Variants in PSD3 observed in about 807,000 individuals in gnomAD.
The protein encoded by PSD3 is pleckstrin and Sec7 domain containing 3.
In PSD3, 49 loss-of-function variants were observed where a neutral mutation model predicts 105.5. The ratio of observed to expected loss-of-function variants is 0.46; its 90% CI spans 0.37 to 0.59. The LOEUF (loss-of-function observed/expected upper bound fraction) is 0.59, where lower values mean the gene tolerates loss of function less well. PSD3 is among the 20% of genes least tolerant of loss of function. The pLI, the probability that PSD3 is intolerant of heterozygous loss-of-function variation, is 0.00. For missense variants in PSD3, 1,561 were observed against 1,263.8 expected (o/e 1.24, Z -3.57); for synonymous variants, 557 against 457.8 (o/e 1.22, Z -2.77).
chr8:18,729,839 T>G (rs1803604325), intron 9 of PSD3, among the ~76,000 whole-genome samples: 2 of 152,152 alleles, frequency 1.3e-5, no homozygotes, highest in East Asian at 1.9e-4. Context: ...ATGCTAAACC[T>G]TCCACTGAGG....
At chr8:19,021,569 A>C (rs1016995409) in intron 1 of PSD3, among the ~76,000 whole-genome samples, 6 of 152,138 alleles carry the variant, frequency 3.9e-5, no homozygotes, top group African/African-American at 9.7e-5. Context: ...AAAAAAAAAA[A>C]AAACCCATAG....
rs184829316 is a variant in PSD3 at position 18,613,717 on chromosome 8, A to G, written c.2411-13283T>C. The stretch of plus-strand genomic sequence containing the variant: ...GAAACATAGAAAACGGCATCACTAC[A>G]GTTCAGGGCTCTAAAGCAGAATCCA... On this transcript the variant is annotated intron_variant, in intron 11 of 15. Coordinates refer to ENST00000327040, the MANE Select transcript of PSD3 (RefSeq NM_015310.4). 3.5e-3 allele frequency among the ~76,000 whole-genome samples: 529 copies of G among 152,280 alleles called. 5 individuals carry two copies. The highest frequency in any genetic ancestry group is 0.012 in the African/African-American group (515 of 41,550).
At chr8:18,990,296 G>A (rs1235544900) in intron 1 of PSD3, among the ~76,000 whole-genome samples, 1 of 152,254 alleles carries the variant, frequency 6.6e-6, no homozygotes, top group Non-Finnish European at 1.5e-5. Flanking sequence ...GTAAGGCCCT[G>A]CATGGTCTGG....
At chr8:18,885,798 A>C (rs575548467) in intron 2 of PSD3, among the ~76,000 whole-genome samples, 1 of 152,370 alleles carries the variant, frequency 6.6e-6, no homozygotes, top group Admixed American at 6.5e-5. Flanking sequence ...GGTGAGAGAG[A>C]AATAAATCTT....
chr8:18,668,008 G>C (rs1799578132), intron 9 of PSD3, among the ~76,000 whole-genome samples: 1 of 152,240 alleles, frequency 6.6e-6, no homozygotes, highest in South Asian at 2.1e-4. Flanking sequence ...CACCCACCAA[G>C]AAATCGCGCT....
At chr8:18,700,270 C>T (rs183762671) in intron 9 of PSD3, among the ~76,000 whole-genome samples, 226 of 152,166 alleles carry the variant, frequency 1.5e-3, no homozygotes, top group African/African-American at 4.9e-3. Context: ...ATTAGATGTA[C>T]TTTAAAAGGT....
At position 18,632,795 on chromosome 8, in the gene PSD3, T is replaced by G. The variant is rs371167268; in HGVS notation, c.2228A>C (p.Glu743Ala). The change falls in exon 11 of 16, where the codon GAG (glutamate) becomes GCG (alanine). Residue 743 changes from glutamate (E) to alanine (A), a missense_variant. By Grantham distance (107) the Glu-to-Ala change is moderately radical (BLOSUM62 -1). Coordinates refer to ENST00000327040, the MANE Select transcript of PSD3 (RefSeq NM_015310.4). The part of the protein sequence containing the change: ...EKLEWAVDDE[E>A]KKKSPSESTE... ...ACTTTCTGAGGGAGACTTTTTTTTC[T>G]CTTCATCATCTCTAAAAGGGAGAAA... 1.5e-5 allele frequency: 24 copies of G among 1,567,736 alleles called. No individual in the cohort carries two copies. The highest frequency in any genetic ancestry group is 2.7e-5 in the African/African-American group (2 of 73,458).
At chr8:18,601,602 C>T (rs1410509401) in intron 11 of PSD3, among the ~76,000 whole-genome samples, 1 of 152,158 alleles carries the variant, frequency 6.6e-6, no homozygotes, top group African/African-American at 2.4e-5. Flanking sequence ...TCAAAATATC[C>T]ACCCTGCAGG....
At chr8:18,942,240 G>GA (rs989470854) in intron 1 of PSD3, among the ~76,000 whole-genome samples, 35 of 152,162 alleles carry the variant, frequency 2.3e-4, no homozygotes, top group African/African-American at 8.2e-4. Context: ...GTATTATAAA[G>GA]AAAAAATTAA....
intron 11 of PSD3, among the ~76,000 whole-genome samples, chr8:18,613,539 C>T (rs1051760289): frequency 6.0e-5 from 9 of 150,584 alleles, no homozygotes; most frequent in South Asian, 2.2e-4. Context: ...GACAAGAACC[C>T]CGTTTTTTTT....
intron 4 of PSD3, among the ~76,000 whole-genome samples, chr8:18,856,440 G>A (rs902331763): frequency 2.0e-5 from 3 of 152,128 alleles, no homozygotes; most frequent in African/African-American, 7.2e-5. Context: ...AGAAGACCAC[G>A]GCCTAACAGA....
intron 1 of PSD3, among the ~76,000 whole-genome samples, chr8:18,986,001 C>T (rs928146458): frequency 2.0e-4 from 31 of 152,050 alleles, no homozygotes; most frequent in Non-Finnish European, 3.5e-4. Context: ...ACAGTTGTAT[C>T]TAAAATTCCT....
At chr8:18,782,715 G>T (rs957079903) in intron 8 of PSD3, among the ~76,000 whole-genome samples, 1 of 152,156 alleles carries the variant, frequency 6.6e-6, no homozygotes, top group Admixed American at 6.5e-5. Context: ...CCCTTAGATG[G>T]TATGCATAAT....
intron 5 of PSD3, 51 bp from the exon 6 acceptor site, chr8:18,804,653 C>G: frequency 6.2e-7 from 1 of 1,611,050 alleles, no homozygotes; most frequent in Non-Finnish European, 8.5e-7. Context: ...CTATTTAAAA[C>G]ACACACAAAA....
chr8:18,692,660 G>C (rs776901572), intron 9 of PSD3, among the ~76,000 whole-genome samples: 2 of 152,228 alleles, frequency 1.3e-5, no homozygotes, highest in Non-Finnish European at 2.9e-5. Flanking sequence ...AACAGAACCT[G>C]ATTGGAATTT....
chr8:18,984,881 C>T (rs1825423725), intron 1 of PSD3, among the ~76,000 whole-genome samples: 1 of 152,150 alleles, frequency 6.6e-6, no homozygotes, highest in Admixed American at 6.5e-5. Context: ...CCAACTTAAC[C>T]AGCTCAATGT....
At chr8:18,849,076 T>A (rs1440873495) in intron 4 of PSD3, among the ~76,000 whole-genome samples, 1 of 152,216 alleles carries the variant, frequency 6.6e-6, no homozygotes, top group African/African-American at 2.4e-5. Context: ...GTTGGCCATA[T>A]CGCTGCCTCC....
chr8:18,658,555 C>A (rs1249210823), intron 9 of PSD3, among the ~76,000 whole-genome samples: 2 of 144,276 alleles, frequency 1.4e-5, no homozygotes, highest in African/African-American at 2.6e-5. Context: ...CAGGGTCTTG[C>A]TTGGTCACCC....
intron 2 of PSD3, among the ~76,000 whole-genome samples, chr8:18,893,850 G>C (rs904148299): frequency 6.6e-6 from 1 of 152,196 alleles, no homozygotes; most frequent in Non-Finnish European, 1.5e-5. Flanking sequence ...CTGCCATTCT[G>C]CTCCATTTCC....
Sources: allele counts gnomAD v4.1 joint callset (sites outside exome capture counted in the v4.1 genomes callset), GRCh38; gene constraint gnomAD v4.1.1; transcripts MANE v1.5; gene names NCBI Gene and HGNC (gene_info 2026-07-23, HGNC 2026-07-21).